The following NAA60 variants were observed in gnomAD, a reference collection of about 807,000 sequenced individuals.
NAA60 encodes the protein N-alpha-acetyltransferase 60.
NAA60 carries 8 observed loss-of-function variants against 26.1 expected under a neutral mutation model. That is an observed-to-expected ratio of 0.31 (90% confidence interval 0.18 to 0.55). The LOEUF (loss-of-function observed/expected upper bound fraction) is 0.55, where lower values mean the gene tolerates loss of function less well. Ranked by LOEUF, NAA60 falls within the 20% of genes least tolerant of loss-of-function variation. The pLI is 0.93. For missense variants in NAA60, 290 were observed against 311.3 expected (o/e 0.93, Z 0.51); for synonymous variants, 131 against 122.5 (o/e 1.07, Z -0.46).
At chr16:3,455,213 A>AGG (rs2034930008) in intron 2 of NAA60, among the ~76,000 whole-genome samples, 1 of 151,558 alleles carries the variant, frequency 6.6e-6, no homozygotes, top group Non-Finnish European at 1.5e-5. Context: ...CACCATGCTC[A>AGG]GCAAATTTTT....
Position 3,484,756 on chromosome 16 carries a change from G to A in NAA60, c.630G>A (p.Pro210=), listed in dbSNP as rs1011734317. 20 of 1,594,070 alleles carry A rather than the reference G, an allele frequency of 1.3e-5. No homozygotes were observed. The highest frequency in any genetic ancestry group is 1.5e-5 in the Non-Finnish European group (17 of 1,171,346). Residue 210 remains proline (P), a synonymous_variant, in exon 7 of 8, where the codon CCG becomes CCA. Transcript: ENST00000407558. ...CCAGCCTGAGCCCCTGCTCCATTCC[G>A]CACAGAGTCTACCGCCAGGCCCACA... The part of the protein sequence containing the change: ...ALASLSPCSI[P]HRVYRQAHSL...
chr16:3,478,835 A>G (rs1037278073), intron 3 of NAA60, among the ~76,000 whole-genome samples: 11 of 152,172 alleles, frequency 7.2e-5, no homozygotes, highest in Non-Finnish European at 1.2e-4. Flanking sequence ...CCAGTGTCCA[A>G]GGGTGAGAAG....
chr16:3,449,268 C>T (rs532481793), intron 2 of NAA60, among the ~76,000 whole-genome samples: 17 of 152,244 alleles, frequency 1.1e-4, no homozygotes, highest in Non-Finnish European at 2.4e-4. Flanking sequence ...TCTGTAATCC[C>T]AGCACTTTGG....
chr16:3,475,941 G>A (rs2036452258), intron 2 of NAA60, among the ~76,000 whole-genome samples: 1 of 152,256 alleles, frequency 6.6e-6, no homozygotes, highest in Non-Finnish European at 1.5e-5. Flanking sequence ...AGCTCAGATG[G>A]GGAGAGAGGC....
At position 3,483,613 on chromosome 16, in the gene NAA60, G is replaced by C. The variant is rs779895113; in HGVS notation, c.572+16G>C. 1.9e-6 allele frequency: 3 copies of C among 1,588,638 alleles called. No homozygotes were observed. In the Admixed American group the frequency reaches 5.1e-5, roughly 27 times the overall value. The stretch of plus-strand genomic sequence containing the variant: ...GGACGATTTTATATCCTTAACTTCT[G>C]GGGGAGAGGGACTGTGGCTTCCTGT... On this transcript the variant is annotated intron_variant, in intron 6 of 7. Coordinates refer to ENST00000407558, the MANE Select transcript of NAA60 (RefSeq NM_001083601.3).
At chr16:3,462,100 A>AAAAAAAAAAAAC (rs1457749205) in intron 2 of NAA60, among the ~76,000 whole-genome samples, 2 of 151,668 alleles carry the variant, frequency 1.3e-5, no homozygotes, top group African/African-American at 4.8e-5. Flanking sequence ...AAAAAAAAAA[A>AAAAAAAAAAAAC]AAAAACCTTT....
At chr16:3,465,540 TC>T (rs2035698892) in intron 2 of NAA60, among the ~76,000 whole-genome samples, 1 of 152,040 alleles carries the variant, frequency 6.6e-6, no homozygotes, top group African/African-American at 2.4e-5. Flanking sequence ...GAAGGTGCTG[TC>T]CCCCAGGCTG....
At chr16:3,444,373 G>T (rs1182637328) in intron 1 of NAA60, among the ~76,000 whole-genome samples, 1 of 152,090 alleles carries the variant, frequency 6.6e-6, no homozygotes, top group Non-Finnish European at 1.5e-5. Flanking sequence ...GCCTCTCTGG[G>T]CTAACTCAGA....
At position 3,485,652 on chromosome 16, in the gene NAA60, A is replaced by T. The variant is rs2037114525; in HGVS notation, c.*392A>T. 2.2e-6 allele frequency: 1 copy of T among 456,528 alleles called. No individual in the cohort carries two copies. 28.3% of individuals were successfully genotyped at this position (456,528 alleles called of 1,614,324 possible). ...GCTCCTTCCTGGAAAGCTGGAGGGG[A>T]CTTTCTCCTGCAAGGGAGGAACGCA... On this transcript the variant is annotated 3_prime_UTR_variant, in exon 8 of 8. Coordinates refer to ENST00000407558, the MANE Select transcript of NAA60 (RefSeq NM_001083601.3).
chr16:3,474,340 C>T (rs780487072), intron 2 of NAA60, among the ~76,000 whole-genome samples: 1 of 152,128 alleles, frequency 6.6e-6, no homozygotes, highest in Non-Finnish European at 1.5e-5. Context: ...AGAGGGGCAC[C>T]GCCTCCCTGC....
rs529141880 is a variant in NAA60 at position 3,486,227 on chromosome 16, C to G, written c.*967C>G. On this transcript the variant is annotated 3_prime_UTR_variant, in exon 8 of 8. Transcript: ENST00000407558. Reference sequence around the variant, plus strand: ...TCTGAGGGCAGAGATGCTGTCAGTGCCGCAGGTGCATCACATACTTCTAGC... The same window carrying G: ...TCTGAGGGCAGAGATGCTGTCAGTGGCGCAGGTGCATCACATACTTCTAGC... 6.4e-6 allele frequency: 1 copy of G among 156,906 alleles called. No homozygotes were observed. The highest frequency in any genetic ancestry group is 6.0e-5 in the Admixed American group (1 of 16,628). The allele number at this position is 156,906 out of a possible 1,614,324, so 9.7% of individuals were successfully genotyped here. A position where few individuals can be genotyped will look rare whatever the true frequency, so the allele number is the denominator to read the frequency against.
intron 1 of NAA60, 140 bp from the exon 2 acceptor site, chr16:3,448,331 G>T (rs1310218436): frequency 9.1e-6 from 5 of 548,376 alleles, no homozygotes; most frequent in Non-Finnish European, 1.6e-5. Context: ...TACATGTTTA[G>T]ATAGTTAATT....
chr16:3,474,546 C>T (rs1382208260), intron 2 of NAA60, among the ~76,000 whole-genome samples: 1 of 152,274 alleles, frequency 6.6e-6, no homozygotes, highest in Non-Finnish European at 1.5e-5. Context: ...GAAACCTGGA[C>T]AGTGGACGCC....
chr16:3,473,048 G>A (rs2036252062), intron 2 of NAA60, among the ~76,000 whole-genome samples: 1 of 151,256 alleles, frequency 6.6e-6, no homozygotes, highest in African/African-American at 2.4e-5. Flanking sequence ...GTTTCATTTC[G>A]TTTTTGAGTC....
At chr16:3,474,384 C>T (rs573920693) in intron 2 of NAA60, among the ~76,000 whole-genome samples, 2 of 152,204 alleles carry the variant, frequency 1.3e-5, no homozygotes, top group South Asian at 4.1e-4. Context: ...CCCATCAGCT[C>T]GTTCCAGCAG....
At position 3,485,503 on chromosome 16, in the gene NAA60, G is replaced by C. The variant is rs1430235170; in HGVS notation, c.*243G>C. 8.8e-6 allele frequency: 4 copies of C among 456,392 alleles called. No individual in the cohort carries two copies. The highest frequency in any genetic ancestry group is 1.8e-5 in the Non-Finnish European group (4 of 226,962). The allele number at this position is 456,392 out of a possible 1,614,324, so 28.3% of individuals were successfully genotyped here. On this transcript the variant is annotated 3_prime_UTR_variant, in exon 8 of 8. Transcript: ENST00000407558. ...CCCCTCCCTGCTTCTGGAAACCTCT[G>C]CCTGCTGCCCTGGCCCTGCCCCCCT...
At chr16:3,475,372 G>C (rs2036413844) in intron 2 of NAA60, among the ~76,000 whole-genome samples, 1 of 152,100 alleles carries the variant, frequency 6.6e-6, no homozygotes, top group Non-Finnish European at 1.5e-5. Flanking sequence ...TTACAGGCGT[G>C]AGCCATCACA....
Position 3,483,613 on chromosome 16 carries a change from G to T in NAA60, c.572+16G>T, listed in dbSNP as rs779895113. 4 of 1,588,638 alleles carry T rather than the reference G, an allele frequency of 2.5e-6. No homozygotes were observed. Among genetic ancestry groups the T allele is most frequent in the South Asian group, 2.2e-5 (2 of 90,210 alleles). On this transcript the variant is annotated intron_variant, in intron 6 of 7. Coordinates refer to ENST00000407558, the MANE Select transcript of NAA60 (RefSeq NM_001083601.3). ...GGACGATTTTATATCCTTAACTTCTGGGGGAGAGGGACTGTGGCTTCCTGT... is the reference window on the plus strand; with the variant it reads ...GGACGATTTTATATCCTTAACTTCTTGGGGAGAGGGACTGTGGCTTCCTGT...
upstream of NAA60, chr16:3,443,675 C>T (rs2034433018): frequency 5.8e-6 from 8 of 1,380,454 alleles, no homozygotes; most frequent in Non-Finnish European, 7.5e-6. Flanking sequence ...TCTAAGCAAC[C>T]ATTTCCGCTT....
Sources: allele counts gnomAD v4.1 joint callset (sites outside exome capture counted in the v4.1 genomes callset), GRCh38; gene constraint gnomAD v4.1.1; transcripts MANE v1.5; gene names NCBI Gene and HGNC (gene_info 2026-07-23, HGNC 2026-07-21).